Variants in TIAM2 observed in about 807,000 individuals in gnomAD.
TIAM2 encodes rho guanine nucleotide exchange factor TIAM2.
A neutral mutation model predicts 152.9 loss-of-function variants in TIAM2; 80 were observed. That is an observed-to-expected ratio of 0.52 (90% confidence interval 0.44 to 0.63). The LOEUF is 0.63. TIAM2 is among the 30% of genes least tolerant of loss of function. The probability of loss-of-function intolerance (pLI) is 0.00; values close to 1 mark genes in which losing one functional copy is unlikely to be tolerated. For synonymous variants in TIAM2, 804 were observed against 838.0 expected (o/e 0.96, Z 0.70); for missense variants, 1,965 against 2,120.1 (o/e 0.93, Z 1.44).
At chr6:154,997,072 C>G (rs1488984876) in intron 1 of TIAM2, among the ~76,000 whole-genome samples, 1 of 152,156 alleles carries the variant, frequency 6.6e-6, no homozygotes, top group Non-Finnish European at 1.5e-5. Context: ...TTCCCCAGGC[C>G]TCCTGGCTCT....
rs71023613 is a variant in TIAM2 at position 155,057,541 on chromosome 6, C to CTTTTTTTTTTT, written c.-208-32735_-208-32725dup. On this transcript the variant is annotated intron_variant, in intron 1 of 26. Coordinates refer to ENST00000682666, the MANE Select transcript of TIAM2 (RefSeq NM_012454.4). The stretch of plus-strand genomic sequence containing the variant: ...TTACTCTTTTTCTTTCCATAATGTA[C>CTTTTTTTTTTT]TTTTTTTTTTTTTTTTTTTTTTTGA... 3.5e-4 allele frequency among the ~76,000 whole-genome samples: 28 copies of CTTTTTTTTTTT among 80,050 alleles called. 1 individual carries two copies. The highest frequency in any genetic ancestry group is 5.2e-4 in the Non-Finnish European group (23 of 44,500). 52.5% of individuals were successfully genotyped at this position (80,050 alleles called of 152,430 possible).
intron 1 of TIAM2, among the ~76,000 whole-genome samples, chr6:154,998,072 CA>C (rs1778250746): frequency 6.6e-6 from 1 of 152,170 alleles, no homozygotes; most frequent in South Asian, 2.1e-4. Flanking sequence ...GATGCTTAGA[CA>C]GATGTCTTCT....
chr6:155,056,161 GTTC>G (rs1407407032), intron 1 of TIAM2, among the ~76,000 whole-genome samples: 16 of 120,790 alleles, frequency 1.3e-4, no homozygotes, highest in South Asian at 5.3e-4. Flanking sequence ...TCTCCTTATT[GTTC>G]TTCTTTTTTT....
chr6:155,114,335 G>A lies in TIAM2; in HGVS notation c.-117-13155G>A, dbSNP rs1013185158. 7.9e-5 allele frequency among the ~76,000 whole-genome samples: 12 copies of A among 151,868 alleles called. No homozygotes were observed. The South Asian group carries it at 1.9e-3, about 24-fold the overall frequency. ...CTCCCAAAGTGTTGGGATTACAGGC[G>A]TGAGCCACCGTGCCCTGCCATGATA... On this transcript the variant is annotated intron_variant, in intron 2 of 26. Transcript: ENST00000682666.
chr6:155,031,595 G>A (rs1046448738), intron 1 of TIAM2, among the ~76,000 whole-genome samples: 1 of 151,994 alleles, frequency 6.6e-6, no homozygotes, highest in Admixed American at 6.6e-5. Flanking sequence ...GTGGTGGCAC[G>A]CACCTATAGT....
intron 1 of TIAM2, among the ~76,000 whole-genome samples, chr6:155,026,407 T>C (rs1381005536): frequency 6.6e-6 from 1 of 152,226 alleles, no homozygotes; most frequent in East Asian, 1.9e-4. Context: ...ATTGAGTTTC[T>C]CAATTTTTTT....
intron 1 of TIAM2, among the ~76,000 whole-genome samples, chr6:155,013,408 C>G (rs775622285): frequency 6.6e-6 from 1 of 152,082 alleles, no homozygotes; most frequent in Non-Finnish European, 1.5e-5. Flanking sequence ...GTGAGGAACT[C>G]AAGGGAAGAG....
At chr6:155,196,464 A>G (rs546698758) in intron 14 of TIAM2, among the ~76,000 whole-genome samples, 3 of 152,266 alleles carry the variant, frequency 2.0e-5, no homozygotes, top group African/African-American at 4.8e-5. Context: ...TAAAAGGCAT[A>G]TTGGTCTTTC....
At chr6:155,027,978 G>A (rs1411963700) in intron 1 of TIAM2, among the ~76,000 whole-genome samples, 2 of 121,982 alleles carry the variant, frequency 1.6e-5, no homozygotes, top group African/African-American at 6.9e-5. Context: ...TATAATATAT[G>A]TACTGTGTTA....
At chr6:155,104,051 C>CA (rs1778618476) in intron 2 of TIAM2, among the ~76,000 whole-genome samples, 3 of 80,434 alleles carry the variant, frequency 3.7e-5, no homozygotes, top group South Asian at 7.7e-4. Flanking sequence ...CCCCCCCCCC[C>CA]ACACCCCCAC....
intron 14 of TIAM2, among the ~76,000 whole-genome samples, chr6:155,194,577 C>T (rs1392496942): frequency 6.6e-6 from 1 of 152,192 alleles, no homozygotes; most frequent in Non-Finnish European, 1.5e-5. Flanking sequence ...CTCTGTCCTC[C>T]TCCTTTACAG....
intron 15 of TIAM2, among the ~76,000 whole-genome samples, chr6:155,235,150 T>G (rs755844648): frequency 6.6e-6 from 1 of 152,188 alleles, no homozygotes; most frequent in Non-Finnish European, 1.5e-5. Context: ...TGGAGAGTCA[T>G]GGTAAAGCTG....
chr6:155,080,412 C>T (rs1778036583), intron 1 of TIAM2, among the ~76,000 whole-genome samples: 1 of 151,374 alleles, frequency 6.6e-6, no homozygotes, highest in African/African-American at 2.4e-5. Context: ...TAGCTTTGGA[C>T]AGAAGTTTAG....
At chr6:155,064,674 A>G (rs1473175260) in intron 1 of TIAM2, among the ~76,000 whole-genome samples, 1 of 152,232 alleles carries the variant, frequency 6.6e-6, no homozygotes, top group African/African-American at 2.4e-5. Context: ...GCTGGATTAC[A>G]TAATTATGCT....
intron 2 of TIAM2, among the ~76,000 whole-genome samples, chr6:155,101,424 A>G (rs922790386): frequency 6.6e-6 from 1 of 152,204 alleles, no homozygotes; most frequent in African/African-American, 2.4e-5. Flanking sequence ...ATTACATCCA[A>G]GGTGCACATT....
chr6:155,082,106 G>T (rs1260256043), intron 1 of TIAM2, among the ~76,000 whole-genome samples: 2 of 152,196 alleles, frequency 1.3e-5, no homozygotes, highest in African/African-American at 4.8e-5. Context: ...CACTTTGGGA[G>T]GCCGAGGTGG....
At chr6:155,032,601 C>T (rs755890161) in intron 1 of TIAM2, among the ~76,000 whole-genome samples, 8 of 152,014 alleles carry the variant, frequency 5.3e-5, no homozygotes, top group Admixed American at 6.6e-5. Context: ...AGTGCAGTGG[C>T]GTGATCTCGG....
chr6:155,231,380 C>T (rs1782465582), intron 15 of TIAM2, among the ~76,000 whole-genome samples: 1 of 152,202 alleles, frequency 6.6e-6, no homozygotes, highest in South Asian at 2.1e-4. Flanking sequence ...TTTCTTCCTC[C>T]TTTTTGTACC....
chr6:155,054,743 C>T (rs1366273187), intron 1 of TIAM2, among the ~76,000 whole-genome samples: 4 of 151,950 alleles, frequency 2.6e-5, no homozygotes, highest in East Asian at 3.9e-4. Context: ...ATAATAGAAT[C>T]GTGACCTCAA....
Sources: allele counts gnomAD v4.1 joint callset (sites outside exome capture counted in the v4.1 genomes callset), GRCh38; gene constraint gnomAD v4.1.1; transcripts MANE v1.5; gene names NCBI Gene and HGNC (gene_info 2026-07-23, HGNC 2026-07-21).